PCNX2: variants seen among roughly 807,000 people sequenced by gnomAD.
The protein encoded by PCNX2 is pecanex-like protein 2.
PCNX2 carries 168 observed loss-of-function variants against 223.8 expected under a neutral mutation model. The ratio of observed to expected loss-of-function variants is 0.75; its 90% CI spans 0.66 to 0.85. The LOEUF (loss-of-function observed/expected upper bound fraction) is 0.85, where lower values mean the gene tolerates loss of function less well. PCNX2 is among the 40% of genes least tolerant of loss of function. The pLI is 0.00. For synonymous variants in PCNX2, 1,006 were observed against 1,052.6 expected (o/e 0.96, Z 0.86); for missense variants, 2,507 against 2,675.5 (o/e 0.94, Z 1.39).
chr1:233,291,694 A>T, intron 1 of PCNX2: 1 of 985,168 alleles, frequency 1.0e-6, no homozygotes. Flanking sequence ...ACAGGCCAGA[A>T]TCATGCCCAT....
chr1:233,031,988 G>A, intron 25 of PCNX2: 1 of 985,008 alleles, frequency 1.0e-6, no homozygotes, highest in Non-Finnish European at 1.2e-6. Flanking sequence ...AGTGGGGGTG[G>A]GGTCTCAGCC....
Position 233,068,454 on chromosome 1 carries a change from C to T in PCNX2, c.4077-11164G>A, listed in dbSNP as rs552759292. Among the ~76,000 whole-genome samples, 5 of 152,204 alleles carry T rather than the reference C, an allele frequency of 3.3e-5. No homozygotes were observed. The South Asian group carries it at 6.2e-4, about 19-fold the overall frequency. On this transcript the variant is annotated intron_variant, in intron 23 of 33. Transcript: ENST00000258229. ...CAGTAAGCAAAAGTATGGGTAAATA[C>T]AATAGACGTCCTTCTCCTCATGTGT...
At chr1:233,098,912 T>C (rs964368682) in intron 21 of PCNX2, among the ~76,000 whole-genome samples, 1 of 152,230 alleles carries the variant, frequency 6.6e-6, no homozygotes, top group Non-Finnish European at 1.5e-5. Flanking sequence ...CTTAGAACAG[T>C]GCCTGGCAAA....
At chr1:233,047,540 G>A (rs529169566) in intron 25 of PCNX2, 55 of 299,872 alleles carry the variant, frequency 1.8e-4, no homozygotes, top group Admixed American at 3.2e-4. Context: ...CATCAAAAAA[G>A]GAGCAGGGGT....
At chr1:233,319,807 T>C in the PCNX2 span, among the ~76,000 whole-genome samples, 13 of 152,370 alleles carry the variant, frequency 8.5e-5, no homozygotes, top group South Asian at 2.7e-3. Context: ...ACTTCTGTAT[T>C]GGAAATTAAA....
intron 10 of PCNX2, among the ~76,000 whole-genome samples, chr1:233,224,436 T>C (rs1217218537): frequency 2.0e-5 from 3 of 152,222 alleles, no homozygotes; most frequent in Admixed American, 2.0e-4. Flanking sequence ...TTTTGAAGAA[T>C]GTCATGCAGG....
Position 233,135,164 on chromosome 1 carries a change from G to A in PCNX2, c.3686C>T (p.Ala1229Val). Residue 1229 changes from alanine (A) to valine (V), a missense_variant, in exon 21 of 34, where the codon GCT becomes GTT. By Grantham distance (64) the Ala-to-Val change is moderately conservative (BLOSUM62 0). Coordinates refer to ENST00000258229, the MANE Select transcript of PCNX2 (RefSeq NM_014801.4). ...THWDIFLMII[A>V]GMKLLRTSFC... ...TGATGTCCGCAACAGCTTCATGCCA[G>A]CAATGATCATCAGAAAAATGTCCCA... The A allele has an allele frequency of 6.2e-7, 1 of 1,613,610 alleles. No individual in the cohort carries two copies. Among genetic ancestry groups the A allele is most frequent in the Non-Finnish European group, 8.5e-7 (1 of 1,179,786 alleles).
At chr1:233,207,016 A>T (rs1681509767) in intron 13 of PCNX2, among the ~76,000 whole-genome samples, 1 of 148,770 alleles carries the variant, frequency 6.7e-6, no homozygotes, top group Non-Finnish European at 1.5e-5. Flanking sequence ...AACAAAAAAA[A>T]AAAAGAAGAA....
Position 233,222,743 on chromosome 1 carries a change from G to A in PCNX2, c.2504+4483C>T, listed in dbSNP as rs186231730. ...GGTGTGAAAGGAAAGACGACTCAAGGACGACTCCAAGATATTTAAGCAGAG... is the reference window on the plus strand; with the variant it reads ...GGTGTGAAAGGAAAGACGACTCAAGAACGACTCCAAGATATTTAAGCAGAG... On this transcript the variant is annotated intron_variant, in intron 10 of 33. Transcript: ENST00000258229. Among the ~76,000 whole-genome samples the A allele has an allele frequency of 2.6e-4, 39 of 152,268 alleles. 1 individual carries two copies. Among genetic ancestry groups the A allele is most frequent in the African/African-American group, 8.4e-4 (35 of 41,538 alleles).
intron 23 of PCNX2, among the ~76,000 whole-genome samples, chr1:233,080,401 AAC>A (rs10611197): frequency 0.16 from 22,789 of 139,792 alleles, 2,802 homozygotes; most frequent in African/African-American, 0.35. Flanking sequence ...CACACACACA[AAC>A]ACACACACAC....
At chr1:233,249,592 C>T (rs145974646) in intron 8 of PCNX2, among the ~76,000 whole-genome samples, 3 of 152,262 alleles carry the variant, frequency 2.0e-5, no homozygotes, top group African/African-American at 7.2e-5. Flanking sequence ...TGGATTGGTC[C>T]ATGGTACCTG....
At chr1:233,019,772 G>A (rs1440133649) in intron 26 of PCNX2, among the ~76,000 whole-genome samples, 1 of 152,148 alleles carries the variant, frequency 6.6e-6, no homozygotes, top group African/African-American at 2.4e-5. Flanking sequence ...GGTCACCAGA[G>A]TGCACATCTG....
intron 17 of PCNX2, among the ~76,000 whole-genome samples, chr1:233,169,040 T>G (rs1310358339): frequency 1.3e-5 from 2 of 152,144 alleles, no homozygotes; most frequent in East Asian, 3.8e-4. Flanking sequence ...TTGTGTACAA[T>G]TATATACAAA....
At chr1:233,176,567 C>T (rs1019859989) in intron 17 of PCNX2, among the ~76,000 whole-genome samples, 1 of 152,254 alleles carries the variant, frequency 6.6e-6, no homozygotes, top group African/African-American at 2.4e-5. Context: ...AAACGTTTAT[C>T]TGACAAGCTT....
At chr1:233,275,588 C>T (rs1660863438) in intron 1 of PCNX2, among the ~76,000 whole-genome samples, 1 of 152,138 alleles carries the variant, frequency 6.6e-6, no homozygotes, top group Non-Finnish European at 1.5e-5. Flanking sequence ...AAAGTATTTA[C>T]ACAAAACAGT....
intron 23 of PCNX2, among the ~76,000 whole-genome samples, chr1:233,066,305 C>T (rs1275362267): frequency 1.3e-5 from 2 of 152,220 alleles, no homozygotes; most frequent in Non-Finnish European, 2.9e-5. Context: ...CTCCTGTTCA[C>T]TGGACCATGG....
At chr1:233,034,632 C>T (rs557299808) in intron 25 of PCNX2, among the ~76,000 whole-genome samples, 33 of 152,310 alleles carry the variant, frequency 2.2e-4, no homozygotes, top group African/African-American at 7.7e-4. Flanking sequence ...CTGGTAGACA[C>T]ACCTGCCAAG....
chr1:233,177,278 A>C (rs147036596), intron 17 of PCNX2, among the ~76,000 whole-genome samples: 26 of 152,286 alleles, frequency 1.7e-4, no homozygotes, highest in African/African-American at 6.3e-4. Flanking sequence ...TCATAGCCTG[A>C]TCCTCTTCCT....
At chr1:233,147,379 G>A (rs1331258848) in intron 19 of PCNX2, among the ~76,000 whole-genome samples, 1 of 152,122 alleles carries the variant, frequency 6.6e-6, no homozygotes, top group Admixed American at 6.5e-5. Context: ...ATAAGAAAGA[G>A]AAAATATATT....
Sources: gnomAD v4.1 joint callset for allele counts (sites outside exome capture counted in the v4.1 genomes callset) on GRCh38, gnomAD v4.1.1 for gene constraint, MANE v1.5 for transcripts, NCBI Gene and HGNC (gene_info 2026-07-23, HGNC 2026-07-21) for gene names.